The following MIPEP variants were observed in gnomAD, a reference collection of about 807,000 sequenced individuals.
MIPEP encodes mitochondrial intermediate peptidase.
MIPEP carries 79 observed loss-of-function variants against 90.3 expected under a neutral mutation model. The ratio of observed to expected loss-of-function variants is 0.87; its 90% CI spans 0.73 to 1.05. MIPEP has a LOEUF of 1.05. Ranked by LOEUF, MIPEP falls within the 50% of genes least tolerant of loss-of-function variation. The pLI is 0.00. For missense variants in MIPEP, 940 were observed against 905.6 expected (o/e 1.04, Z -0.49); for synonymous variants, 334 against 315.8 (o/e 1.06, Z -0.61).
At chr13:23,821,580 T>C (rs181937120) in intron 14 of MIPEP, among the ~76,000 whole-genome samples, 162 of 152,264 alleles carry the variant, frequency 1.1e-3, no homozygotes, top group African/African-American at 3.8e-3. Context: ...ACTAAGCAGC[T>C]GGGTAATACA....
intron 16 of MIPEP, among the ~76,000 whole-genome samples, chr13:23,781,995 CAAT>C (rs1242748941): frequency 2.0e-5 from 3 of 152,114 alleles, no homozygotes; most frequent in African/African-American, 7.2e-5. Context: ...GACTCCCACA[CAAT>C]AATAATGGGA....
intron 18 of MIPEP, among the ~76,000 whole-genome samples, chr13:23,740,150 G>C (rs990292168): frequency 6.6e-6 from 1 of 152,172 alleles, no homozygotes; most frequent in Non-Finnish European, 1.5e-5. Flanking sequence ...CCCATAAAAA[G>C]AACTTATCTG....
chr13:23,859,319 G>A (rs938056494), intron 9 of MIPEP, among the ~76,000 whole-genome samples: 7 of 152,168 alleles, frequency 4.6e-5, no homozygotes, highest in African/African-American at 1.7e-4. Context: ...CTAAATCTAA[G>A]CAAGAAGCTT....
At chr13:23,869,524 C>G in intron 6 of MIPEP, 76 bp from the exon 7 acceptor site, 2 of 1,303,904 alleles carry the variant, frequency 1.5e-6, no homozygotes, top group South Asian at 1.7e-5. Context: ...CAGGCTCATG[C>G]TCACCACTTG....
At position 23,869,092 on chromosome 13, in the gene MIPEP, A is replaced by T. The variant is rs74574539; in HGVS notation, c.943+200T>A. The stretch of plus-strand genomic sequence containing the variant: ...TTTACTCTCAACATTCACATAAAAT[A>T]AAATTCTTTGGTTGGACAGAATTAT... On this transcript the variant is annotated intron_variant, in intron 7 of 18. Coordinates refer to ENST00000382172, the MANE Select transcript of MIPEP (RefSeq NM_005932.4). Among the ~76,000 whole-genome samples the T allele has an allele frequency of 0.02, 3,070 of 152,368 alleles. 105 individuals carry two copies. Among genetic ancestry groups the T allele is most frequent in the African/African-American group, 0.07 (2,903 of 41,584 alleles).
chr13:23,776,487 T>A (rs1003451905), intron 16 of MIPEP, among the ~76,000 whole-genome samples: 1 of 152,210 alleles, frequency 6.6e-6, no homozygotes, highest in Non-Finnish European at 1.5e-5. Flanking sequence ...CACTTCTCTA[T>A]TTATAATAGT....
At position 23,843,075 on chromosome 13, in the gene MIPEP, G is replaced by A. The variant is rs192763646; in HGVS notation, c.1107-1587C>T. On this transcript the variant is annotated intron_variant, in intron 10 of 18. Transcript: ENST00000382172. ...TGTGCCACTGCACTCCAGCCTGGGC[G>A]ACAGAGCAAGACTCTCCATCTCAAA... Among the ~76,000 whole-genome samples the A allele has an allele frequency of 2.2e-3, 276 of 124,410 alleles. 1 individual carries two copies. The highest frequency in any genetic ancestry group is 8.8e-3 in the African/African-American group (270 of 30,590). 81.6% of individuals were successfully genotyped at this position (124,410 alleles called of 152,430 possible).
At chr13:23,841,633 G>T in intron 10 of MIPEP, 145 bp from the exon 11 acceptor site, 1 of 874,694 alleles carries the variant, frequency 1.1e-6, no homozygotes, top group South Asian at 2.1e-5. Context: ...TCATTTGAGG[G>T]GTTTTCAGAC....
chr13:23,839,474 T>C (rs1869200406), intron 12 of MIPEP, among the ~76,000 whole-genome samples, 175 bp downstream of exon 12: 1 of 152,238 alleles, frequency 6.6e-6, no homozygotes, highest in South Asian at 2.1e-4. Flanking sequence ...GATGTAATTA[T>C]TTCCATAAAC....
At chr13:23,856,413 G>T (rs553756956) in intron 10 of MIPEP, among the ~76,000 whole-genome samples, 2 of 152,318 alleles carry the variant, frequency 1.3e-5, no homozygotes, top group East Asian at 3.9e-4. Flanking sequence ...TAAAACAAAA[G>T]TAGGTTGTGA....
intron 18 of MIPEP, among the ~76,000 whole-genome samples, chr13:23,744,777 T>A (rs1015104367): frequency 4.6e-5 from 7 of 152,222 alleles, no homozygotes. Flanking sequence ...AGAAATTAGT[T>A]TTATTGAAAG....
At chr13:23,843,373 G>C (rs542638936) in intron 10 of MIPEP, among the ~76,000 whole-genome samples, 1 of 152,108 alleles carries the variant, frequency 6.6e-6, no homozygotes, top group East Asian at 1.9e-4. Flanking sequence ...TGAGGAACTG[G>C]GACCATGCAC....
chr13:23,815,317 AT>A (rs869217329), intron 14 of MIPEP, among the ~76,000 whole-genome samples: 1 of 10,138 alleles, frequency 9.9e-5, no homozygotes, highest in Non-Finnish European at 6.1e-4. Flanking sequence ...TAGTTTCCTG[AT>A]TTTTTGTTTT....
intron 16 of MIPEP, among the ~76,000 whole-genome samples, chr13:23,778,903 T>A (rs1565990992): frequency 6.6e-6 from 1 of 152,170 alleles, no homozygotes; most frequent in Non-Finnish European, 1.5e-5. Context: ...GCCTGAATTA[T>A]CCATCATATC....
At chr13:23,864,084 T>C in intron 8 of MIPEP, 57 bp downstream of exon 8, 9 of 1,029,086 alleles carry the variant, frequency 8.7e-6, no homozygotes, top group Non-Finnish European at 1.3e-5. Context: ...TCAAGTCTTC[T>C]TTAAAAAGAC....
intron 16 of MIPEP, among the ~76,000 whole-genome samples, chr13:23,781,583 G>C (rs1265709070): frequency 6.6e-6 from 1 of 152,146 alleles, no homozygotes; most frequent in African/African-American, 2.4e-5. Context: ...CATAATGACA[G>C]GATCAAATTC....
intron 16 of MIPEP, among the ~76,000 whole-genome samples, chr13:23,779,682 A>AG (rs1352924956): frequency 6.6e-6 from 1 of 152,092 alleles, no homozygotes; most frequent in African/African-American, 2.4e-5. Flanking sequence ...AGGAAGCACA[A>AG]GGGGTCAGGG....
intron 4 of MIPEP, among the ~76,000 whole-genome samples, chr13:23,877,391 C>CT (rs1871112485): frequency 6.6e-6 from 1 of 152,144 alleles, no homozygotes; most frequent in South Asian, 2.1e-4. Context: ...TTTGGCTGTT[C>CT]TTGCAACTAG....
chr13:23,784,342 T>A (rs1450700412), intron 16 of MIPEP, among the ~76,000 whole-genome samples: 1 of 152,046 alleles, frequency 6.6e-6, no homozygotes, highest in African/African-American at 2.4e-5. Flanking sequence ...CACACATCTA[T>A]GACCATCTGA....
Sources: gnomAD v4.1 joint callset for allele counts (sites outside exome capture counted in the v4.1 genomes callset) on GRCh38, gnomAD v4.1.1 for gene constraint, MANE v1.5 for transcripts, NCBI Gene and HGNC (gene_info 2026-07-23, HGNC 2026-07-21) for gene names.